The following MEGF6 variants were observed in gnomAD, a reference collection of about 807,000 sequenced individuals.
MEGF6 encodes multiple EGF like domains 6.
In MEGF6, 184 loss-of-function variants were observed where a neutral mutation model predicts 207.1. The ratio of observed to expected loss-of-function variants is 0.89; its 90% CI spans 0.79 to 1.00. The LOEUF is 1.00. Ranked by LOEUF, MEGF6 falls within the 50% of genes least tolerant of loss-of-function variation. MEGF6 has a pLI of 0.00. For synonymous variants in MEGF6, 1,038 were observed against 910.0 expected (o/e 1.14, Z -2.53); for missense variants, 2,282 against 2,202.9 (o/e 1.04, Z -0.72).
chr1:3,598,848 C>G (rs1038060617), intron 2 of MEGF6, among the ~76,000 whole-genome samples: 10 of 152,284 alleles, frequency 6.6e-5, no homozygotes, highest in African/African-American at 2.4e-4. Flanking sequence ...GCCCCTCCCC[C>G]ACCCCTTCCT....
chr1:3,523,077 G>GGGT (rs1553195912), intron 5 of MEGF6, among the ~76,000 whole-genome samples: 3 of 146,802 alleles, frequency 2.0e-5, no homozygotes, highest in African/African-American at 8.2e-5. Context: ...TGTGTGCCGG[G>GGGT]GGGGGGGCCC....
Position 3,506,162 on chromosome 1 carries a change from G to A in MEGF6, c.1864C>T (p.Leu622Phe). Residue 622 changes from leucine to phenylalanine, a missense_variant, in exon 15 of 37, where the codon CTC (leucine) becomes TTC (phenylalanine). Coordinates refer to ENST00000356575, the MANE Select transcript of MEGF6 (RefSeq NM_001409.4). ...NCANRGRCHR[L>F]YGACLCDPGL... Reference sequence around the variant, plus strand: ...GGGTCGCAGAGGCAGGCCCCGTAGAGGCGGTGGCACCGGCCCCGGTTGGCA... The same window carrying A: ...GGGTCGCAGAGGCAGGCCCCGTAGAAGCGGTGGCACCGGCCCCGGTTGGCA... 1 of 1,596,188 alleles carries A rather than the reference G, an allele frequency of 6.3e-7. No homozygotes were observed. The highest frequency in any genetic ancestry group is 1.1e-5 in the South Asian group (1 of 88,822).
At chr1:3,490,818 C>T (rs1349502588) in intron 36 of MEGF6, 94 bp downstream of exon 36, 1 of 1,465,524 alleles carries the variant, frequency 6.8e-7, no homozygotes, top group Non-Finnish European at 9.3e-7. Context: ...CAGCTGCTGC[C>T]CTGTGGGGCC....
rs1643025030 is a variant in MEGF6 at position 3,556,135 on chromosome 1, G to A, written c.481+23690C>T. ...GTTACAGCAGGAGTGGCCTTCCGTG[G>A]CCCAGGTGCTAAGTGAACCACGTCC... On this transcript the variant is annotated intron_variant, in intron 4 of 36. Coordinates refer to ENST00000356575, the MANE Select transcript of MEGF6 (RefSeq NM_001409.4). The surrounding 1 kb of genome is among the most constrained non-coding windows in gnomAD (Gnocchi z 4.4). Among the ~76,000 whole-genome samples the A allele has an allele frequency of 6.6e-6, 1 of 152,224 alleles. No homozygotes were observed. Among genetic ancestry groups the A allele is most frequent in the Non-Finnish European group, 1.5e-5 (1 of 68,042 alleles).
intron 4 of MEGF6, among the ~76,000 whole-genome samples, chr1:3,569,175 G>A (rs1234062646): frequency 3.3e-5 from 5 of 152,232 alleles, no homozygotes; most frequent in Non-Finnish European, 4.4e-5. Flanking sequence ...TGTTCAGGGG[G>A]GGAGACCGAG....
intron 4 of MEGF6, among the ~76,000 whole-genome samples, chr1:3,578,267 T>C (rs1177166898): frequency 6.6e-6 from 1 of 152,156 alleles, no homozygotes. Context: ...TATTTCCGCG[T>C]GAAACCAAAG....
In MEGF6 at chr1:3,498,744, GC is replaced by G. The variant is rs971674521; in HGVS notation, c.3176del (p.Gly1059AlafsTer215). ...CCCAGCCCTCTGGGCACGCACAGTGGCCTGAGACAGGGTCACAGGTCCCTCC... is the reference window on the plus strand; with the variant it reads ...CCCAGCCCTCTGGGCACGCACAGTGGCTGAGACAGGGTCACAGGTCCCTCC... ...QNGGTCDPVSGHCACPEGWAG... is the reference protein window; with the variant it reads ...QNGGTCDPVSXHCACPEGWAG... On this transcript the variant is annotated frameshift_variant, in exon 25 of 37. Transcript: ENST00000356575. LOFTEE classifies it high-confidence loss of function. 8 of 1,564,362 alleles carry G rather than the reference GC, an allele frequency of 5.1e-6. No individual in the cohort carries two copies. The African/African-American group carries it at 1.1e-4, about 21-fold the overall frequency.
At chr1:3,601,267 C>T (rs1557426760) in intron 2 of MEGF6, among the ~76,000 whole-genome samples, 1 of 152,392 alleles carries the variant, frequency 6.6e-6, no homozygotes, top group East Asian at 1.9e-4. Context: ...AGCTCTTCCA[C>T]CACGAGCTGT....
At chr1:3,614,345 C>T (rs775227044), upstream of MEGF6, among the ~76,000 whole-genome samples, 58 of 152,272 alleles carry the variant, frequency 3.8e-4, no homozygotes, top group African/African-American at 1.3e-3. Flanking sequence ...ACAAGACAGC[C>T]GAGCGCCAAA....
chr1:3,511,578 C>T lies in MEGF6; in HGVS notation c.1086G>A (p.Glu362=). The change falls in exon 9 of 37, where the codon GAG becomes GAA. Residue 362 remains glutamate, a synonymous_variant. Coordinates refer to ENST00000356575, the MANE Select transcript of MEGF6 (RefSeq NM_001409.4). ...TGCAGGTCCTCTGATCTGTGTCCAGCTCGTAGCCGCGGGGACATGTGCACA... is the reference window on the plus strand; with the variant it reads ...TGCAGGTCCTCTGATCTGTGTCCAGTTCGTAGCCGCGGGGACATGTGCACA... ...GPLCTCPRGY[E]LDTDQRTCID... is the part of the protein sequence containing the mutation. 6.2e-7 allele frequency: 1 copy of T among 1,611,742 alleles called. No individual in the cohort carries two copies. Among genetic ancestry groups the T allele is most frequent in the Non-Finnish European group, 8.5e-7 (1 of 1,179,058 alleles).
intron 4 of MEGF6, among the ~76,000 whole-genome samples, chr1:3,557,368 C>T (rs922281276): frequency 2.0e-5 from 3 of 152,242 alleles, no homozygotes; most frequent in Non-Finnish European, 4.4e-5. Context: ...CCGCAGAGCT[C>T]TGCAGGCTGC....
Position 3,490,445 on chromosome 1 carries a change from G to A in MEGF6, c.*83C>T. Reference sequence around the variant, plus strand: ...GCAGTACCAGGAGCTCTGGGCCCGTGAAGTGTCCTTCTCAGTGGTCACCAA... The same window carrying A: ...GCAGTACCAGGAGCTCTGGGCCCGTAAAGTGTCCTTCTCAGTGGTCACCAA... On this transcript the variant is annotated 3_prime_UTR_variant, in exon 37 of 37. Coordinates refer to ENST00000356575, the MANE Select transcript of MEGF6 (RefSeq NM_001409.4). 1 of 1,480,276 alleles carries A rather than the reference G, an allele frequency of 6.8e-7. No individual in the cohort carries two copies. The allele number at this position is 1,480,276 out of a possible 1,614,324, so 91.7% of individuals were successfully genotyped here.
At chr1:3,492,442 G>A (rs757538886) in intron 35 of MEGF6, among the ~76,000 whole-genome samples, 197 bp downstream of exon 35, 12 of 152,194 alleles carry the variant, frequency 7.9e-5, no homozygotes, top group Non-Finnish European at 1.3e-4. Flanking sequence ...TGACTGTGAA[G>A]CTCACACTCC....
At chr1:3,499,958 G>A in intron 21 of MEGF6, 34 bp from the exon 22 acceptor site, 1 of 1,528,334 alleles carries the variant, frequency 6.5e-7, no homozygotes, top group African/African-American at 1.4e-5. Context: ...CAGTCAGCCA[G>A]AGGGCCAGGA....
rs1215755837 is a variant in MEGF6 at position 3,594,337 on chromosome 1, G to A, written c.376+1001C>T. ...TCAGCCACTCGGGAGGCTGAGGTGGGAGGATTGCTTGAGTCCAGGAATTTG... is the reference window on the plus strand; with the variant it reads ...TCAGCCACTCGGGAGGCTGAGGTGGAAGGATTGCTTGAGTCCAGGAATTTG... On this transcript the variant is annotated intron_variant, in intron 3 of 36. Coordinates refer to ENST00000356575, the MANE Select transcript of MEGF6 (RefSeq NM_001409.4). The surrounding 1 kb of genome is among the most constrained non-coding windows in gnomAD (Gnocchi z 4.2). Among the ~76,000 whole-genome samples, 1 of 152,224 alleles carries A rather than the reference G, an allele frequency of 6.6e-6. No homozygotes were observed. Among genetic ancestry groups the A allele is most frequent in the Non-Finnish European group, 1.5e-5 (1 of 68,034 alleles).
chr1:3,595,160 C>T (rs1214481128), intron 3 of MEGF6, among the ~76,000 whole-genome samples, 178 bp downstream of exon 3: 1 of 152,260 alleles, frequency 6.6e-6, no homozygotes, highest in African/African-American at 2.4e-5. Flanking sequence ...GCTCTGCCAG[C>T]CTCGCTGACG....
chr1:3,585,465 G>GGA (rs1643880342), intron 3 of MEGF6, among the ~76,000 whole-genome samples: 1 of 143,430 alleles, frequency 7.0e-6, no homozygotes, highest in African/African-American at 2.6e-5. Context: ...GTGGGTGTGA[G>GGA]TGACACATGT....
chr1:3,495,947 G>A lies in MEGF6; in HGVS notation c.3814C>T (p.Pro1272Ser), dbSNP rs1290403244. Residue 1272 changes from proline to serine, a missense_variant, in exon 30 of 37, where the codon CCT becomes TCT. Pro to Ser is a moderately conservative substitution (Grantham distance 74). Coordinates refer to ENST00000356575, the MANE Select transcript of MEGF6 (RefSeq NM_001409.4). ...GGGCAGAGGCAGGTGCCGGTCACAGGGTCGCAGGCCGCCCCCTGCCCACAC... is the reference window on the plus strand; with the variant it reads ...GGGCAGAGGCAGGTGCCGGTCACAGAGTCGCAGGCCGCCCCCTGCCCACAC... ...CGCGQGAACD[P>S]VTGTCLCPPG... The A allele has an allele frequency of 1.3e-6, 2 of 1,591,744 alleles. No individual in the cohort carries two copies.
chr1:3,510,669 G>A (rs1365221211), intron 10 of MEGF6, 114 bp downstream of exon 10: 1 of 1,403,800 alleles, frequency 7.1e-7, no homozygotes, highest in South Asian at 1.4e-5. Flanking sequence ...GCAAAGCACA[G>A]AGCAGGCCGA....
Sources: gnomAD v4.1 joint callset for allele counts (sites outside exome capture counted in the v4.1 genomes callset) on GRCh38, gnomAD v4.1.1 for gene constraint, Gnocchi (gnomAD v3.1) non-coding constraint, MANE v1.5 for transcripts, NCBI Gene and HGNC (gene_info 2026-07-23, HGNC 2026-07-21) for gene names.